TMEM200A: variants seen among roughly 807,000 people sequenced by gnomAD.
TMEM200A encodes transmembrane protein 200A.
TMEM200A carries 12 observed loss-of-function variants against 24.3 expected under a neutral mutation model. That is an observed-to-expected ratio of 0.49 (90% CI 0.32 to 0.80). The LOEUF (loss-of-function observed/expected upper bound fraction) is 0.80. Among genes scored for constraint, TMEM200A ranks in the 30% least tolerant of loss-of-function variants. The probability of loss-of-function intolerance (pLI) is 0.04; values close to 1 mark genes in which losing one functional copy is unlikely to be tolerated. For synonymous variants in TMEM200A, 224 were observed against 224.4 expected (o/e 1.00, Z 0.02); for missense variants, 545 against 614.4 (o/e 0.89, Z 1.19).
intron 2 of TMEM200A, among the ~76,000 whole-genome samples, chr6:130,404,933 GT>G (rs1779172241): frequency 6.6e-6 from 1 of 152,144 alleles, no homozygotes; most frequent in Non-Finnish European, 1.5e-5. Context: ...TTTCCCCATT[GT>G]TTTTGTCAGG....
chr6:130,408,871 A>G (rs1335291546), intron 2 of TMEM200A, among the ~76,000 whole-genome samples: 1 of 152,120 alleles, frequency 6.6e-6, no homozygotes, highest in Non-Finnish European at 1.5e-5. Context: ...GACCTGCCAT[A>G]GGAGTAGTTG....
At chr6:130,382,073 T>A in intron 1 of TMEM200A, 1 of 560,676 alleles carries the variant, frequency 1.8e-6, no homozygotes, top group South Asian at 7.7e-5. Context: ...GAAAAAAGAA[T>A]CCCATTGCCA....
intron 2 of TMEM200A, among the ~76,000 whole-genome samples, chr6:130,410,896 C>T (rs894718668): frequency 1.8e-4 from 28 of 152,292 alleles, no homozygotes; most frequent in African/African-American, 6.5e-4. Context: ...AGGCCAGGTG[C>T]AGTGGCTCAC....
chr6:130,404,022 G>A (rs1454146073), intron 2 of TMEM200A, among the ~76,000 whole-genome samples: 2 of 152,088 alleles, frequency 1.3e-5, no homozygotes, highest in Non-Finnish European at 2.9e-5. Context: ...TCTTATGACT[G>A]CATAGTATTC....
At chr6:130,404,876 A>C (rs1188003865) in intron 2 of TMEM200A, among the ~76,000 whole-genome samples, 1 of 152,236 alleles carries the variant, frequency 6.6e-6, no homozygotes, top group Non-Finnish European at 1.5e-5. Flanking sequence ...AATCTTCTGC[A>C]TATGACTAGC....
intron 1 of TMEM200A, among the ~76,000 whole-genome samples, chr6:130,375,987 C>T (rs200220732): frequency 1.9e-4 from 29 of 151,304 alleles, no homozygotes; most frequent in African/African-American, 2.4e-4. Flanking sequence ...ATAAATATAA[C>T]GTAAATATAT....
In TMEM200A at chr6:130,392,603, G is replaced by A. The variant is rs558028579; in HGVS notation, c.-17+7367G>A. On this transcript the variant is annotated intron_variant, in intron 2 of 2. Transcript: ENST00000296978. ...GATATATTTTTTAGTGTCTCCCATC[G>A]CCTAGTAACTCAAATCCCAACATGC... Among the ~76,000 whole-genome samples, 37 of 152,122 alleles carry A rather than the reference G, an allele frequency of 2.4e-4. No individual in the cohort carries two copies. In the South Asian group the frequency reaches 6.0e-3, roughly 25 times the overall value.
intron 1 of TMEM200A, among the ~76,000 whole-genome samples, chr6:130,382,762 G>A (rs1166484180): frequency 1.3e-5 from 2 of 152,182 alleles, no homozygotes; most frequent in African/African-American, 4.8e-5. Context: ...GGAGAATTGA[G>A]TGCTTGATTT....
chr6:130,426,973 A>G (rs1029258607), intron 2 of TMEM200A, among the ~76,000 whole-genome samples: 1 of 152,204 alleles, frequency 6.6e-6, no homozygotes, highest in Admixed American at 6.5e-5. Flanking sequence ...GTCATAAATA[A>G]GTCTTTCTTT....
intron 2 of TMEM200A, among the ~76,000 whole-genome samples, chr6:130,423,551 A>T (rs925989536): frequency 2.7e-5 from 4 of 147,420 alleles, no homozygotes; most frequent in Admixed American, 1.3e-4. Context: ...ATATACATAC[A>T]AATGTTGCTA....
intron 2 of TMEM200A, among the ~76,000 whole-genome samples, chr6:130,409,463 A>G (rs1208708179): frequency 6.6e-6 from 1 of 152,164 alleles, no homozygotes; most frequent in Non-Finnish European, 1.5e-5. Context: ...CTCTGCAACT[A>G]TGTGGGATCT....
At chr6:130,418,462 A>C (rs1292153706) in intron 2 of TMEM200A, among the ~76,000 whole-genome samples, 1 of 152,194 alleles carries the variant, frequency 6.6e-6, no homozygotes, top group Non-Finnish European at 1.5e-5. Context: ...TAATTCTTAG[A>C]TGTATGATTT....
intron 2 of TMEM200A, among the ~76,000 whole-genome samples, chr6:130,388,452 G>A (rs1778762538): frequency 6.6e-6 from 1 of 152,184 alleles, no homozygotes; most frequent in South Asian, 2.1e-4. Context: ...ATAGCCTCAG[G>A]GTGTGACAAT....
intron 1 of TMEM200A, among the ~76,000 whole-genome samples, chr6:130,375,635 T>C (rs191127582): frequency 1.1e-4 from 17 of 152,326 alleles, no homozygotes; most frequent in African/African-American, 3.6e-4. Context: ...AAGGAAGACC[T>C]CTCTGCATTT....
chr6:130,413,906 C>T (rs1445640974), intron 2 of TMEM200A, among the ~76,000 whole-genome samples: 5 of 152,130 alleles, frequency 3.3e-5, no homozygotes, highest in South Asian at 2.1e-4. Flanking sequence ...CATTATCTTC[C>T]CTCTTCCAAA....
chr6:130,441,786 C>T lies in TMEM200A; in HGVS notation c.1364C>T (p.Thr455Ile). The T allele has an allele frequency of 6.2e-7, 1 of 1,614,026 alleles. No homozygotes were observed. The highest frequency in any genetic ancestry group is 2.2e-5 in the East Asian group (1 of 44,868). ...CAAGTTGCCATCAAAAAGGACTTTA[C>T]CAATAAGGAGAAGCTTCTTATGATT... ...VPQVAIKKDF[T>I]NKEKLLMISR... The change falls in exon 3 of 3, where the codon ACC becomes ATC. Residue 455 changes from threonine (T) to isoleucine (I), a missense_variant. Physicochemically the swap from Thr to Ile is moderately conservative, Grantham distance 89. Transcript: ENST00000296978.
rs551243409 is a variant in TMEM200A, at chr6:130,441,031, G to A, written c.609G>A (p.Ser203=). Reference sequence around the variant, plus strand: ...AACAGAATGGGAGCTCCTGTGCCTCGAGATTGGCAGCAAATACGATCGCCT... The same window carrying A: ...AACAGAATGGGAGCTCCTGTGCCTCAAGATTGGCAGCAAATACGATCGCCT... ...EVKQNGSSCA[S]RLAANTIASF... Residue 203 remains serine (S), a synonymous_variant, in exon 3 of 3, where the codon TCG becomes TCA. Transcript: ENST00000296978. 9.9e-6 allele frequency: 16 copies of A among 1,613,958 alleles called. No individual in the cohort carries two copies. Among genetic ancestry groups the A allele is most frequent in the African/African-American group, 9.3e-5 (7 of 75,042 alleles).
At position 130,393,121 on chromosome 6, in the gene TMEM200A, T is replaced by C. The variant is rs564954720; in HGVS notation, c.-17+7885T>C. Among the ~76,000 whole-genome samples, 3 of 152,294 alleles carry C rather than the reference T, an allele frequency of 2.0e-5. No individual in the cohort carries two copies. The East Asian group carries it at 5.8e-4, about 29-fold the overall frequency. On this transcript the variant is annotated intron_variant, in intron 2 of 2. Transcript: ENST00000296978. ...TGAAGAAACCATGCAGGCATCTCTG[T>C]TGGATAGAAGCGAGAGATCAGTAGA...
intron 1 of TMEM200A, among the ~76,000 whole-genome samples, chr6:130,376,449 A>C (rs578025896): frequency 1.3e-5 from 2 of 152,066 alleles, no homozygotes; most frequent in East Asian, 3.9e-4. Flanking sequence ...TGCCTGGCTA[A>C]TTTTTGTATT....
Sources: gnomAD v4.1 joint callset for allele counts (sites outside exome capture counted in the v4.1 genomes callset) on GRCh38, gnomAD v4.1.1 for gene constraint, MANE v1.5 for transcripts, NCBI Gene and HGNC (gene_info 2026-07-23, HGNC 2026-07-21) for gene names.